NMU: variants seen among roughly 807,000 people sequenced by gnomAD.
The protein encoded by NMU is neuromedin-U.
In NMU, 29 loss-of-function variants were observed where a neutral mutation model predicts 35.4. The ratio of observed to expected loss-of-function variants is 0.82; its 90% CI spans 0.61 to 1.12. The LOEUF (loss-of-function observed/expected upper bound fraction) is 1.12, where lower values mean the gene tolerates loss of function less well. Ranked by LOEUF, NMU falls within the 50% of genes most tolerant of loss-of-function variation. The pLI is 0.00. For missense variants in NMU, 199 were observed against 206.2 expected, an observed-to-expected ratio of 0.97 and a Z score of 0.21; for synonymous variants, 78 against 81.3, an observed-to-expected ratio of 0.96 and a Z score of 0.22.
intron 4 of NMU, among the ~76,000 whole-genome samples, chr4:55,608,784 G>C (rs1237935914): frequency 6.6e-6 from 1 of 151,718 alleles, no homozygotes; most frequent in African/African-American, 2.4e-5. Context: ...GATGTGCTTA[G>C]CAGCTTAGAA....
chr4:55,630,287 A>G, intron 2 of NMU, 115 bp downstream of exon 2: 1 of 842,310 alleles, frequency 1.2e-6, no homozygotes, highest in Non-Finnish European at 1.9e-6. Context: ...TCTGGGTTTT[A>G]TTATTAGAGT....
intron 2 of NMU, among the ~76,000 whole-genome samples, chr4:55,618,731 TTTC>T (rs1238068862): frequency 3.0e-5 from 4 of 133,856 alleles, no homozygotes; most frequent in Non-Finnish European, 6.5e-5. Context: ...CTCTTTCTTC[TTTC>T]TTTCTTTTTC....
At chr4:55,603,679 G>A (rs146911097) in intron 7 of NMU, among the ~76,000 whole-genome samples, 3,324 of 151,696 alleles carry the variant, frequency 0.022, 137 homozygotes, top group African/African-American at 0.076. Flanking sequence ...TTGGGAAGCC[G>A]AGGCAGGCGG....
intron 2 of NMU, 119 bp downstream of exon 2, chr4:55,630,282 GT>G (rs975578538): frequency 3.7e-5 from 30 of 814,206 alleles, no homozygotes; most frequent in Non-Finnish European, 5.6e-5. Context: ...GTAATTCTGG[GT>G]TTTATTATTA....
intron 2 of NMU, among the ~76,000 whole-genome samples, chr4:55,618,330 G>A (rs1303192583): frequency 5.3e-5 from 8 of 151,976 alleles, no homozygotes; most frequent in East Asian, 1.9e-4. Context: ...TTTAAGCCCC[G>A]CATGCATTAG....
At chr4:55,633,001 T>G (rs567056406) in intron 1 of NMU, among the ~76,000 whole-genome samples, 13 of 146,908 alleles carry the variant, frequency 8.8e-5, no homozygotes, top group African/African-American at 3.3e-4. Context: ...GAAACAAAAT[T>G]AAAAAAAAAT....
chr4:55,634,064 T>C (rs1715770205), intron 1 of NMU, among the ~76,000 whole-genome samples: 1 of 152,222 alleles, frequency 6.6e-6, no homozygotes, highest in East Asian at 1.9e-4. Flanking sequence ...CCAAGGATGC[T>C]GCATTTAGTG....
chr4:55,628,146 A>G (rs1031898863), intron 2 of NMU, among the ~76,000 whole-genome samples: 8 of 152,182 alleles, frequency 5.3e-5, no homozygotes, highest in African/African-American at 1.9e-4. Flanking sequence ...TTATTACCAG[A>G]TAGCCATCCA....
At position 55,613,792 on chromosome 4, in the gene NMU, A is replaced by G. The variant is rs541625192; in HGVS notation, c.219+2546T>C. ...CCACAGCTGGTGGAACCCAGCAACC[A>G]TGTGAAAAAGCTCAGACTACCCTGC... is the stretch of plus-strand genomic sequence containing the variant. On this transcript the variant is annotated intron_variant, in intron 3 of 9. Transcript: ENST00000264218. Among the ~76,000 whole-genome samples the G allele has an allele frequency of 2.6e-5, 4 of 152,276 alleles. No individual in the cohort carries two copies. In the East Asian group the frequency reaches 7.7e-4, roughly 29 times the overall value.
At chr4:55,595,563 T>TATATATATACACACAC (rs755203914) in intron 9 of NMU, among the ~76,000 whole-genome samples, 152 bp from the exon 10 acceptor site, 18 of 120,056 alleles carry the variant, frequency 1.5e-4, no homozygotes, top group South Asian at 5.9e-4. Flanking sequence ...TATATATATA[T>TATATATATACACACAC]ACACACACAC....
rs373848935 is a variant in NMU at position 55,604,017 on chromosome 4, G to GTATATATACACATGTA, written c.435+1257_435+1258insTACATGTGTATATATA. On this transcript the variant is annotated intron_variant, in intron 7 of 9. Transcript: ENST00000264218. ...TATATACGTATATATGTATATATGT[G>GTATATATACACATGTA]TATATATATAATCCTAGAAATTATC... Among the ~76,000 whole-genome samples, 214 of 25,058 alleles carry GTATATATACACATGTA rather than the reference G, an allele frequency of 8.5e-3. 6 individuals carry two copies. The highest frequency in any genetic ancestry group is 0.03 in the African/African-American group (202 of 6,714). 16.4% of individuals were successfully genotyped at this position (25,058 alleles called of 152,430 possible).
chr4:55,601,741 C>T (rs1415560305), intron 7 of NMU, among the ~76,000 whole-genome samples: 1 of 152,028 alleles, frequency 6.6e-6, no homozygotes, highest in African/African-American at 2.4e-5. Context: ...AATCTGAGCA[C>T]TTTGGGAGGC....
chr4:55,614,841 G>T (rs1042352783), intron 3 of NMU, among the ~76,000 whole-genome samples: 2 of 152,212 alleles, frequency 1.3e-5, no homozygotes, highest in African/African-American at 4.8e-5. Flanking sequence ...ATAATCTCAT[G>T]TTATTAATAT....
At chr4:55,606,278 T>C (rs1044774845) in intron 6 of NMU, among the ~76,000 whole-genome samples, 19 of 152,236 alleles carry the variant, frequency 1.2e-4, no homozygotes, top group African/African-American at 4.1e-4. Flanking sequence ...AATAGTATTA[T>C]AGTCAAATAA....
At position 55,630,407 on chromosome 4, in the gene NMU, T is replaced by C; in HGVS notation, c.166A>G (p.Asn56Asp). Reference protein sequence around the residue: ...LQPEQQLQLWNEIDDTCSSFL... With the variant: ...LQPEQQLQLWDEIDDTCSSFL... ...GTGTGATGATAGTTCCTTACCTCAT[T>C]CCACAACTGTAGCTGTTGTTCAGGC... The change falls in exon 2 of 10, where the codon AAT becomes GAT. Residue 56 changes from asparagine (N) to aspartate (D), a missense_variant. By Grantham distance (23) the Asn-to-Asp change is conservative. Coordinates refer to ENST00000264218, the MANE Select transcript of NMU (RefSeq NM_006681.4). The C allele has an allele frequency of 1.9e-6, 3 of 1,610,892 alleles. No individual in the cohort carries two copies. Among genetic ancestry groups the C allele is most frequent in the Non-Finnish European group, 2.5e-6 (3 of 1,177,304 alleles).
intron 1 of NMU, among the ~76,000 whole-genome samples, 197 bp downstream of exon 1, chr4:55,635,884 C>A (rs1293942926): frequency 6.6e-6 from 1 of 152,222 alleles, no homozygotes. Context: ...CTGGCCGGGC[C>A]CCTTGCTCCT....
At chr4:55,632,658 A>G (rs1715664432) in intron 1 of NMU, among the ~76,000 whole-genome samples, 1 of 152,206 alleles carries the variant, frequency 6.6e-6, no homozygotes, top group Admixed American at 6.5e-5. Context: ...TTCCATATAA[A>G]ACACCTGGTG....
intron 9 of NMU, among the ~76,000 whole-genome samples, chr4:55,598,453 T>G (rs1045282166): frequency 6.6e-6 from 1 of 152,212 alleles, no homozygotes; most frequent in African/African-American, 2.4e-5. Context: ...GAATACACTT[T>G]TATTTCTGTG....
chr4:55,631,545 GC>G (rs1734755148), intron 1 of NMU, among the ~76,000 whole-genome samples: 1 of 151,962 alleles, frequency 6.6e-6, no homozygotes, highest in African/African-American at 2.4e-5. Context: ...TACACAAACA[GC>G]CAACAAACAT....
Sources: gnomAD v4.1 joint callset for allele counts (sites outside exome capture counted in the v4.1 genomes callset) on GRCh38, gnomAD v4.1.1 for gene constraint, MANE v1.5 for transcripts, NCBI Gene and HGNC (gene_info 2026-07-23, HGNC 2026-07-21) for gene names.